TNFSF13B: variants seen among roughly 807,000 people sequenced by gnomAD.
The protein encoded by TNFSF13B is tumor necrosis factor ligand superfamily member 13B.
In TNFSF13B, 8 loss-of-function variants were observed where a neutral mutation model predicts 29.1. The ratio of observed to expected loss-of-function variants is 0.27; its 90% CI spans 0.16 to 0.50. The LOEUF (loss-of-function observed/expected upper bound fraction) is 0.50, where lower values mean the gene tolerates loss of function less well. Among genes scored for constraint, TNFSF13B ranks in the 20% least tolerant of loss-of-function variants. The pLI is 0.98. For synonymous variants in TNFSF13B, 125 were observed against 130.8 expected, an observed-to-expected ratio of 0.96 and a Z score of 0.30; for missense variants, 248 against 334.9, an observed-to-expected ratio of 0.74 and a Z score of 2.03.
At chr13:108,299,185 T>C in intron 3 of TNFSF13B, among the ~76,000 whole-genome samples, 1 of 146,228 alleles carries the variant, frequency 6.8e-6, no homozygotes, top group Admixed American at 6.8e-5. Context: ...ATTATGTTTT[T>C]AATTTCAAAT....
At position 108,307,815 on chromosome 13, in the gene TNFSF13B, G is replaced by T. The variant is rs906447149; in HGVS notation, c.*877G>T. On this transcript the variant is annotated 3_prime_UTR_variant, in exon 6 of 6. Transcript: ENST00000375887. ...GTAATGTAATTTCCCTTTATTTCTT[G>T]CTCTTCTGTTTCAAACTGCTGCTAT... 1 of 151,890 alleles carries T rather than the reference G, an allele frequency of 6.6e-6. No individual in the cohort carries two copies. Among genetic ancestry groups the T allele is most frequent in the Non-Finnish European group, 1.5e-5 (1 of 67,926 alleles). The allele number at this position is 151,890 out of a possible 1,614,324, so 9.4% of individuals were successfully genotyped here.
chr13:108,292,566 A>C (rs1180687533), intron 3 of TNFSF13B, among the ~76,000 whole-genome samples: 2 of 152,080 alleles, frequency 1.3e-5, no homozygotes, highest in African/African-American at 4.8e-5. Context: ...CTAGTGTTCT[A>C]ATTTTTCCAC....
chr13:108,308,360 T>C lies in TNFSF13B; in HGVS notation c.*1422T>C, dbSNP rs1406827232. ...TATTTTGCAATTCATTTTTACATTA[T>C]AATTTAAAAAGAAGAAGCGATAAGT... On this transcript the variant is annotated 3_prime_UTR_variant, in exon 6 of 6. Coordinates refer to ENST00000375887, the MANE Select transcript of TNFSF13B (RefSeq NM_006573.5). 2 of 152,148 alleles carry C rather than the reference T, an allele frequency of 1.3e-5. No homozygotes were observed. Among genetic ancestry groups the C allele is most frequent in the East Asian group, 3.8e-4 (2 of 5,196 alleles). 9.4% of individuals were successfully genotyped at this position (152,148 alleles called of 1,614,324 possible).
At chr13:108,271,279 G>A (rs922628868) in intron 2 of TNFSF13B, among the ~76,000 whole-genome samples, 1 of 151,872 alleles carries the variant, frequency 6.6e-6, no homozygotes, top group Non-Finnish European at 1.5e-5. Context: ...GGAACGTATC[G>A]TACAGCTATA....
Position 108,306,857 on chromosome 13 carries a change from C to G in TNFSF13B, c.777C>G (p.Leu259=). ...CAAAACTGGAAGAAGGAGATGAACTCCAACTTGCAATACCAAGAGAAAATG... is the reference window on the plus strand; with the variant it reads ...CAAAACTGGAAGAAGGAGATGAACTGCAACTTGCAATACCAAGAGAAAATG... ...GIAKLEEGDE[L]QLAIPRENAQ... The change falls in exon 6 of 6, where the codon CTC becomes CTG. Residue 259 remains leucine (L), a synonymous_variant. Transcript: ENST00000375887. 2 of 1,610,762 alleles carry G rather than the reference C, an allele frequency of 1.2e-6. No individual in the cohort carries two copies. The highest frequency in any genetic ancestry group is 2.2e-5 in the East Asian group (1 of 44,670).
intron 2 of TNFSF13B, among the ~76,000 whole-genome samples, chr13:108,275,472 AT>A (rs1880738016): frequency 6.6e-6 from 1 of 152,076 alleles, no homozygotes; most frequent in Non-Finnish European, 1.5e-5. Context: ...AGACAAAATT[AT>A]TTTTATTGAT....
chr13:108,304,089 G>A (rs1220099526), intron 5 of TNFSF13B, among the ~76,000 whole-genome samples: 1 of 152,152 alleles, frequency 6.6e-6, no homozygotes, highest in Non-Finnish European at 1.5e-5. Context: ...AACATAACTT[G>A]TCCCAGGTTA....
chr13:108,299,584 C>T (rs987512650), intron 3 of TNFSF13B, among the ~76,000 whole-genome samples: 5 of 151,762 alleles, frequency 3.3e-5, no homozygotes, highest in Non-Finnish European at 7.4e-5. Flanking sequence ...ATGATTTTAT[C>T]GCTAATCCTC....
intron 2 of TNFSF13B, among the ~76,000 whole-genome samples, chr13:108,270,950 T>TACACACAC (rs138902471): frequency 0.025 from 3,696 of 150,560 alleles, 228 homozygotes; most frequent in Admixed American, 0.14. Context: ...AAGGTTATTT[T>TACACACAC]ACACACACAC....
chr13:108,298,154 G>A (rs1881506879), intron 3 of TNFSF13B, among the ~76,000 whole-genome samples: 1 of 145,304 alleles, frequency 6.9e-6, no homozygotes, highest in African/African-American at 2.6e-5. Context: ...TTTATCAATT[G>A]TAATAAATGT....
At chr13:108,275,469 AT>A (rs1397567571) in intron 2 of TNFSF13B, among the ~76,000 whole-genome samples, 14 of 152,080 alleles carry the variant, frequency 9.2e-5, no homozygotes, top group African/African-American at 3.4e-4. Flanking sequence ...GAAAGACAAA[AT>A]TATTTTTATT....
At chr13:108,284,678 A>G (rs1881071946) in intron 2 of TNFSF13B, among the ~76,000 whole-genome samples, 1 of 152,224 alleles carries the variant, frequency 6.6e-6, no homozygotes, top group African/African-American at 2.4e-5. Context: ...AAGTTTAAAA[A>G]TCTGACTTTG....
At chr13:108,294,443 G>A (rs943064778) in intron 3 of TNFSF13B, among the ~76,000 whole-genome samples, 1 of 152,002 alleles carries the variant, frequency 6.6e-6, no homozygotes, top group Non-Finnish European at 1.5e-5. Flanking sequence ...GCCTCCCAAA[G>A]TGTTAGTATT....
At chr13:108,305,271 A>G (rs2139072233) in intron 5 of TNFSF13B, among the ~76,000 whole-genome samples, 1 of 152,278 alleles carries the variant, frequency 6.6e-6, no homozygotes, top group South Asian at 2.1e-4. Flanking sequence ...AAATGTTTCC[A>G]TAGCAACCTG....
intron 5 of TNFSF13B, 79 bp from the exon 6 acceptor site, chr13:108,306,742 TACAGA>T: frequency 3.6e-6 from 3 of 822,834 alleles, no homozygotes; most frequent in Admixed American, 5.4e-5. Context: ...ATTTTTTTTT[TACAGA>T]ACAAAATAGT....
chr13:108,288,883 A>G (rs141541283), intron 3 of TNFSF13B, among the ~76,000 whole-genome samples: 2 of 152,270 alleles, frequency 1.3e-5, no homozygotes, highest in East Asian at 3.9e-4. Context: ...CAACACTAGC[A>G]CAGATGATGA....
At chr13:108,288,330 G>A (rs1174494329) in intron 3 of TNFSF13B, among the ~76,000 whole-genome samples, 2 of 152,080 alleles carry the variant, frequency 1.3e-5, no homozygotes, top group East Asian at 3.9e-4. Flanking sequence ...ACTAAAATAT[G>A]CACAAATGCT....
Position 108,270,301 on chromosome 13 carries a change from A to C in TNFSF13B, c.340-39A>C, listed in dbSNP as rs200754522. On this transcript the variant is annotated intron_variant, in intron 1 of 5. Transcript: ENST00000375887. ...TACACTGCTGCCTCTCCCTCGCCTC[A>C]GCTGTCTTTCTAATAACTTGAAGTT... 4.3e-6 allele frequency: 7 copies of C among 1,613,918 alleles called. No homozygotes were observed. In the South Asian group the frequency reaches 7.7e-5, roughly 18 times the overall value.
chr13:108,298,300 C>T (rs1004013574), intron 3 of TNFSF13B, among the ~76,000 whole-genome samples: 5 of 143,774 alleles, frequency 3.5e-5, no homozygotes, highest in Non-Finnish European at 3.1e-5. Flanking sequence ...AAAAGAATAA[C>T]GAAAAGTGAA....
Sources: gnomAD v4.1 joint callset for allele counts (sites outside exome capture counted in the v4.1 genomes callset) on GRCh38, gnomAD v4.1.1 for gene constraint, MANE v1.5 for transcripts, NCBI Gene and HGNC (gene_info 2026-07-23, HGNC 2026-07-21) for gene names.